Variants in IKZF2 observed in about 807,000 individuals in gnomAD.
IKZF2 encodes IKAROS family zinc finger 2.
A neutral mutation model predicts 49.2 loss-of-function variants in IKZF2; 15 were observed. The ratio of observed to expected loss-of-function variants is 0.30; its 90% CI spans 0.20 to 0.47. IKZF2 has a LOEUF of 0.47. IKZF2 is among the 20% of genes least tolerant of loss of function. IKZF2 has a pLI of 1.00. For missense variants in IKZF2, 567 were observed against 664.6 expected, an observed-to-expected ratio of 0.85 and a Z score of 1.61; for synonymous variants, 227 against 221.4, an observed-to-expected ratio of 1.03 and a Z score of -0.23.
At position 213,150,380 on chromosome 2, in the gene IKZF2, G is replaced by C. The variant is rs997465938; in HGVS notation, c.-119-133C>G. On this transcript the variant is annotated intron_variant, in intron 1 of 8. Transcript: ENST00000434687. ...GAGGAAGGAAAAGCACTTTACAGGT[G>C]GGTCATTCCAAGCCCAAATCCAGCA... The C allele has an allele frequency of 9.5e-6, 3 of 317,300 alleles. No individual in the cohort carries two copies. In the Admixed American group the frequency reaches 1.2e-4, roughly 13 times the overall value. 19.7% of individuals were successfully genotyped at this position (317,300 alleles called of 1,614,324 possible).
intron 4 of IKZF2, among the ~76,000 whole-genome samples, chr2:213,070,485 G>A (rs546516218): frequency 1.0e-3 from 153 of 150,400 alleles, no homozygotes; most frequent in African/African-American, 3.5e-3. Context: ...CAGGATCAGG[G>A]AATTCACTGA....
In IKZF2 at chr2:213,056,955, T is replaced by C. The variant is rs777751869; in HGVS notation, c.284A>G (p.Lys95Arg). The change falls in exon 5 of 9, where the codon AAA becomes AGA. Residue 95 changes from lysine to arginine, a missense_variant. Transcript: ENST00000434687. The part of the protein sequence containing the change: ...IESSEVADNR[K>R]VQELQGEGGI... Reference sequence around the variant, plus strand: ...TCCCTCGCCTTGAAGCTCCTGGACTTTCCTGTTGTCAGCCACCTCGCTGCT... The same window carrying C: ...TCCCTCGCCTTGAAGCTCCTGGACTCTCCTGTTGTCAGCCACCTCGCTGCT... The C allele has an allele frequency of 4.3e-6, 7 of 1,613,692 alleles. No individual in the cohort carries two copies. Among genetic ancestry groups the C allele is most frequent in the Non-Finnish European group, 5.9e-6 (7 of 1,179,884 alleles).
chr2:213,011,659 T>C (rs922912236), intron 8 of IKZF2, among the ~76,000 whole-genome samples: 5 of 151,988 alleles, frequency 3.3e-5, no homozygotes, highest in African/African-American at 1.2e-4. Context: ...GGCACTGTCA[T>C]GGTGGAGAGC....
intron 7 of IKZF2, among the ~76,000 whole-genome samples, chr2:213,021,296 T>C (rs1187117170): frequency 6.6e-6 from 1 of 152,122 alleles, no homozygotes; most frequent in Non-Finnish European, 1.5e-5. Context: ...TTTTTGTCTT[T>C]GTATAAATAA....
rs763693272 is a variant in IKZF2 at position 213,007,778 on chromosome 2, C to T, written c.1163G>A (p.Arg388Lys). ...NNMDGPISLI[R>K]PKSRPQEREA... ...TCTTTCCTGGGGTCGACTCTTTGGT[C>T]TGATGAGAGAGATGGGGCCATCCAT... Residue 388 changes from arginine (R) to lysine (K), a missense_variant, in exon 9 of 9, where the codon AGA becomes AAA. This residue lies in a region of IKZF2 where 310 missense variants were observed against 326.9 expected (regional missense o/e 0.95). Coordinates refer to ENST00000434687, the MANE Select transcript of IKZF2 (RefSeq NM_001387220.1). The T allele has an allele frequency of 1.1e-5, 18 of 1,613,534 alleles. No homozygotes were observed. The Admixed American group carries it at 3.0e-4, about 27-fold the overall frequency.
chr2:213,139,311 G>C (rs1488007602), intron 4 of IKZF2, among the ~76,000 whole-genome samples: 1 of 151,886 alleles, frequency 6.6e-6, no homozygotes, highest in Non-Finnish European at 1.5e-5. Flanking sequence ...AAAGGAGAGG[G>C]AACTGGACAA....
intron 4 of IKZF2, among the ~76,000 whole-genome samples, chr2:213,085,643 T>C (rs1434021707): frequency 6.6e-6 from 1 of 152,180 alleles, no homozygotes; most frequent in Non-Finnish European, 1.5e-5. Context: ...GCAGCATTAA[T>C]GATAGGGAAA....
At chr2:213,118,355 A>T (rs1456126238) in intron 4 of IKZF2, among the ~76,000 whole-genome samples, 1 of 152,204 alleles carries the variant, frequency 6.6e-6, no homozygotes, top group South Asian at 2.1e-4. Context: ...AACACTACAC[A>T]TGACTGAGAA....
At chr2:213,147,627 G>A (rs752215985) in intron 4 of IKZF2, 81 bp downstream of exon 4, 1 of 956,406 alleles carries the variant, frequency 1.0e-6, no homozygotes, top group South Asian at 1.3e-5. Context: ...AATGTGAGAG[G>A]ACCCCACAGA....
intron 7 of IKZF2, 70 bp downstream of exon 7, chr2:213,021,923 A>ATCT (rs2125110257): frequency 6.9e-7 from 1 of 1,454,214 alleles, no homozygotes; most frequent in Non-Finnish European, 9.3e-7. Context: ...ACAGCATAAG[A>ATCT]TTTTATCTTC....
intron 4 of IKZF2, among the ~76,000 whole-genome samples, chr2:213,067,965 A>G (rs1702312776): frequency 6.6e-6 from 1 of 152,140 alleles, no homozygotes; most frequent in Non-Finnish European, 1.5e-5. Flanking sequence ...GTAAGTAGTT[A>G]CTTTAAGCAT....
chr2:213,121,434 T>C (rs1574917049), intron 4 of IKZF2, among the ~76,000 whole-genome samples: 1 of 152,360 alleles, frequency 6.6e-6, no homozygotes, highest in South Asian at 2.1e-4. Flanking sequence ...ACTTGGGTGC[T>C]ACACTGATAC....
intron 4 of IKZF2, among the ~76,000 whole-genome samples, chr2:213,127,311 T>C (rs1314967072): frequency 6.6e-6 from 1 of 152,190 alleles, no homozygotes; most frequent in East Asian, 1.9e-4. Context: ...GTTCTGACTT[T>C]ACATACTAAT....
At chr2:213,105,729 T>C (rs926299022) in intron 4 of IKZF2, among the ~76,000 whole-genome samples, 3 of 152,090 alleles carry the variant, frequency 2.0e-5, no homozygotes, top group African/African-American at 7.2e-5. Flanking sequence ...ATGCTACAAA[T>C]CAGAATTCTG....
intron 4 of IKZF2, among the ~76,000 whole-genome samples, chr2:213,100,906 G>A (rs1430819697): frequency 6.6e-6 from 1 of 151,830 alleles, no homozygotes; most frequent in African/African-American, 2.4e-5. Context: ...CTAGGTATTT[G>A]CTTTTCTAGT....
chr2:213,101,084 A>C (rs10167348), intron 4 of IKZF2, among the ~76,000 whole-genome samples: 131,360 of 151,828 alleles, frequency 0.87, 57,037 homozygotes, highest in African/African-American at 0.91. Flanking sequence ...AAACAAAATC[A>C]CCTATTTTCC....
intron 4 of IKZF2, among the ~76,000 whole-genome samples, chr2:213,077,257 T>A (rs1042224232): frequency 1.3e-5 from 2 of 152,330 alleles, no homozygotes; most frequent in East Asian, 3.9e-4. Context: ...GTTCTTAAAA[T>A]GTATCCATGA....
intron 4 of IKZF2, among the ~76,000 whole-genome samples, chr2:213,112,949 C>A (rs2059762523): frequency 6.6e-6 from 1 of 151,996 alleles, no homozygotes; most frequent in South Asian, 2.1e-4. Flanking sequence ...ATTTGTTTGA[C>A]AAAACATTTC....
chr2:213,106,808 A>G (rs1228916493), intron 4 of IKZF2, among the ~76,000 whole-genome samples: 2 of 152,160 alleles, frequency 1.3e-5, no homozygotes, highest in Admixed American at 6.5e-5. Context: ...ATTTTGTACT[A>G]TGATGAACAC....
Sources: allele counts gnomAD v4.1 joint callset (sites outside exome capture counted in the v4.1 genomes callset), GRCh38; gene constraint gnomAD v4.1.1; regional missense constraint gnomAD v4.1.1; transcripts MANE v1.5; gene names NCBI Gene and HGNC (gene_info 2026-07-23, HGNC 2026-07-21).